FUNDC2: variants seen among roughly 807,000 people sequenced by gnomAD.
FUNDC2 encodes the protein FUN14 domain-containing protein 2.
In FUNDC2, 4 loss-of-function variants were observed where a neutral mutation model predicts 15.6. That is an observed-to-expected ratio of 0.26 (90% CI 0.13 to 0.59). FUNDC2 has a LOEUF of 0.59. Ranked by LOEUF, FUNDC2 falls within the 20% of genes least tolerant of loss-of-function variation. FUNDC2 has a pLI of 0.90. For missense variants in FUNDC2, 98 were observed against 149.7 expected (o/e 0.65, Z 1.80); for synonymous variants, 44 against 56.9 (o/e 0.77, Z 1.02).
intron 2 of FUNDC2, among the ~76,000 whole-genome samples, chrX:155,045,474 C>T (rs1557289950): frequency 8.9e-6 from 1 of 112,002 alleles, no homozygotes; most frequent in East Asian, 2.8e-4. Context: ...CTCAAATATA[C>T]ACAATAAAAT....
chrX:155,055,912 C>G lies in FUNDC2; in HGVS notation c.*1240C>G, dbSNP rs1399529719. 1.8e-5 allele frequency: 2 copies of G among 112,105 alleles called. No homozygotes were observed. The highest frequency in any genetic ancestry group is 9.4e-5 in the Admixed American group (1 of 10,589). The allele number at this position is 112,105 out of a possible 1,213,427, so 9.2% of individuals were successfully genotyped here. A position where few individuals can be genotyped will look rare whatever the true frequency, so the allele number is the denominator to read the frequency against. ...ATATGAGTGTGTTTCTAAGGCCATA[C>G]ATTTAAAAATGTTTGCATTTTAACC... is the stretch of plus-strand genomic sequence containing the variant. On this transcript the variant is annotated 3_prime_UTR_variant, in exon 5 of 5. Coordinates refer to ENST00000369498, the MANE Select transcript of FUNDC2 (RefSeq NM_023934.4).
chrX:155,044,423 A>AT (rs2073856282), intron 2 of FUNDC2, among the ~76,000 whole-genome samples: 1 of 111,983 alleles, frequency 8.9e-6, no homozygotes, highest in South Asian at 3.7e-4. Context: ...AAATTGTCTG[A>AT]TAAGGAATGG....
intron 3 of FUNDC2, among the ~76,000 whole-genome samples, chrX:155,046,826 C>G (rs1299117805): frequency 8.9e-6 from 1 of 112,696 alleles, no homozygotes; most frequent in Non-Finnish European, 1.9e-5. Context: ...AATTCCTTAT[C>G]ATAGCTCCCT....
At chrX:155,038,859 C>T (rs193148085) in intron 2 of FUNDC2, among the ~76,000 whole-genome samples, 5 of 112,010 alleles carry the variant, frequency 4.5e-5, no homozygotes, top group African/African-American at 1.6e-4. Context: ...GGCTGTATAC[C>T]CAGTAGTGTG....
chrX:155,044,245 G>T (rs2073855770), intron 2 of FUNDC2, among the ~76,000 whole-genome samples: 1 of 111,821 alleles, frequency 8.9e-6, no homozygotes, highest in African/African-American at 3.3e-5. Context: ...ATTCTAGGGG[G>T]TGAAAGTGGA....
chrX:155,054,878 C>CCTG lies in FUNDC2; in HGVS notation c.*206_*207insCTG. ...TGGCAGAAGAGACAATAGTCCTTAG[C>CCTG]TCTCCTCCCAGTACACCCCCTACTT... On this transcript the variant is annotated 3_prime_UTR_variant, in exon 5 of 5. Transcript: ENST00000369498. 2.4e-6 allele frequency: 1 copy of CCTG among 419,588 alleles called. No homozygotes were observed. Among genetic ancestry groups the CCTG allele is most frequent in the Non-Finnish European group, 4.1e-6 (1 of 241,399 alleles). 34.6% of individuals were successfully genotyped at this position (419,588 alleles called of 1,213,427 possible).
intron 1 of FUNDC2, among the ~76,000 whole-genome samples, chrX:155,028,119 G>GAGCAGACTGCTCTTATAGACTT (rs1569560146): frequency 4.1e-4 from 27 of 66,501 alleles, no homozygotes; most frequent in African/African-American, 1.5e-3. Context: ...GCTCTTATAG[G>GAGCAGACTGCTCTTATAGACTT]TTGATCAGGT....
chrX:155,053,118 C>G (rs1569560235), intron 4 of FUNDC2, among the ~76,000 whole-genome samples: 1 of 112,567 alleles, frequency 8.9e-6, no homozygotes, highest in African/African-American at 3.2e-5. Context: ...GTATTCCCAC[C>G]TCGGCCTCCC....
In FUNDC2 at chrX:155,060,124, TAA is replaced by T. The variant is rs1223984768; in HGVS notation, c.*5455_*5456del. ...ACATATACTTTAGCATAAAAACATT[TAA>T]AAGAGTCTGAAACTGGAGTAGTTAA... On this transcript the variant is annotated 3_prime_UTR_variant, in exon 5 of 5. Coordinates refer to ENST00000369498, the MANE Select transcript of FUNDC2 (RefSeq NM_023934.4). 3.6e-5 allele frequency: 4 copies of T among 112,111 alleles called. No homozygotes were observed. Among genetic ancestry groups the T allele is most frequent in the African/African-American group, 1.3e-4 (4 of 30,839 alleles). The allele number at this position is 112,111 out of a possible 1,213,427, so 9.2% of individuals were successfully genotyped here. A position where few individuals can be genotyped will look rare whatever the true frequency, so the allele number is the denominator to read the frequency against.
chrX:155,033,516 G>A lies in FUNDC2; in HGVS notation c.247G>A (p.Val83Met), dbSNP rs1557288925. The stretch of plus-strand genomic sequence containing the variant: ...TGGACCTTCAGCAGAAAAGTATAGC[G>A]TGGCAACCCAGCTGTTCATTGGAGG... ...ESGPSAEKYS[V>M]ATQLFIGGVT... Residue 83 changes from valine to methionine, a missense_variant, in exon 2 of 5, where the codon GTG (valine) becomes ATG (methionine). Val to Met is a conservative substitution (Grantham distance 21, BLOSUM62 1). Coordinates refer to ENST00000369498, the MANE Select transcript of FUNDC2 (RefSeq NM_023934.4). The A allele has an allele frequency of 8.3e-7, 1 of 1,211,199 alleles. No homozygotes were observed. Among genetic ancestry groups the A allele is most frequent in the Admixed American group, 2.2e-5 (1 of 46,066 alleles).
Position 155,031,238 on chromosome X carries a change from A to G in FUNDC2, c.134-2165A>G, listed in dbSNP as rs1557288715. On this transcript the variant is annotated intron_variant, in intron 1 of 4. Coordinates refer to ENST00000369498, the MANE Select transcript of FUNDC2 (RefSeq NM_023934.4). Reference sequence around the variant, plus strand: ...TAATCTTCTGGAACTCCAATTACATATATGTTTAATCTTTTGAGCAGTTTT... The same window carrying G: ...TAATCTTCTGGAACTCCAATTACATGTATGTTTAATCTTTTGAGCAGTTTT... 2.7e-5 allele frequency among the ~76,000 whole-genome samples: 3 copies of G among 111,568 alleles called. No homozygotes were observed. The East Asian group carries it at 8.5e-4, about 31-fold the overall frequency.
chrX:155,043,825 C>T (rs1331343180), intron 2 of FUNDC2, among the ~76,000 whole-genome samples: 1 of 111,396 alleles, frequency 9.0e-6, no homozygotes, highest in Non-Finnish European at 1.9e-5. Context: ...TGACATCTAA[C>T]TTTTGTTTAA....
At chrX:155,027,323 C>T (rs898406830) in intron 1 of FUNDC2, 2 of 237,194 alleles carry the variant, frequency 8.4e-6, no homozygotes, top group South Asian at 2.2e-4. Context: ...CTTCCGGCGC[C>T]GCCCCCGGCG....
rs782478688 is a variant in FUNDC2, at chrX:155,027,051, A to C, written c.113A>C (p.Glu38Ala). ...GTGTCCTCGCGAGACAAGCTCACCG[A>C]AATGGCCGCGTCCAGTCAAGGTAAG... Reference protein sequence around the residue: ...LRVSSRDKLTEMAASSQGNFE... With the variant: ...LRVSSRDKLTAMAASSQGNFE... Residue 38 changes from glutamate (E) to alanine (A), a missense_variant, in exon 1 of 5, where the codon GAA (glutamate) becomes GCA (alanine). By Grantham distance (107) the Glu-to-Ala change is moderately radical (BLOSUM62 -1). Coordinates refer to ENST00000369498, the MANE Select transcript of FUNDC2 (RefSeq NM_023934.4). The C allele has an allele frequency of 8.4e-7, 1 of 1,190,466 alleles. No homozygotes were observed. The highest frequency in any genetic ancestry group is 1.1e-6 in the Non-Finnish European group (1 of 883,256).
chrX:155,057,575 A>G lies in FUNDC2; in HGVS notation c.*2903A>G, dbSNP rs782453246. 3.6e-5 allele frequency: 4 copies of G among 111,401 alleles called. No homozygotes were observed. The highest frequency in any genetic ancestry group is 7.6e-5 in the Non-Finnish European group (4 of 52,971). The allele number at this position is 111,401 out of a possible 1,213,427, so 9.2% of individuals were successfully genotyped here. On this transcript the variant is annotated 3_prime_UTR_variant, in exon 5 of 5. Transcript: ENST00000369498. ...GGTAACACCGCACTCAAGGCTTCCA[A>G]CTTGTCAACCAATAGGATGGCATCT... is the stretch of plus-strand genomic sequence containing the variant.
intron 1 of FUNDC2, among the ~76,000 whole-genome samples, chrX:155,028,471 T>C (rs2073803549): frequency 8.9e-6 from 1 of 111,974 alleles, no homozygotes; most frequent in African/African-American, 3.3e-5. Context: ...TAATGTTTTG[T>C]TGTTACATTA....
chrX:155,052,971 C>T (rs911031443), intron 4 of FUNDC2, among the ~76,000 whole-genome samples: 10 of 112,073 alleles, frequency 8.9e-5, no homozygotes, highest in Non-Finnish European at 1.5e-4. Flanking sequence ...CTCAACCAAG[C>T]GATCCTCTGA....
rs1385579704 is a variant in FUNDC2 at position 155,059,292 on chromosome X, T to C, written c.*4620T>C. 1 of 112,366 alleles carries C rather than the reference T, an allele frequency of 8.9e-6. No homozygotes were observed. Among genetic ancestry groups the C allele is most frequent in the Non-Finnish European group, 1.9e-5 (1 of 53,278 alleles). 9.3% of individuals were successfully genotyped at this position (112,366 alleles called of 1,213,427 possible). ...TTCATTAAATGTCTTAGGAATCGTG[T>C]GGAGTGAATGCAAGGAAAGGAGTGA... On this transcript the variant is annotated 3_prime_UTR_variant, in exon 5 of 5. Coordinates refer to ENST00000369498, the MANE Select transcript of FUNDC2 (RefSeq NM_023934.4).
At chrX:155,027,234 C>A in intron 1 of FUNDC2, 163 bp downstream of exon 1, 1 of 517,783 alleles carries the variant, frequency 1.9e-6, no homozygotes, top group East Asian at 5.0e-5. Flanking sequence ...CTCAGCCGCT[C>A]CCAGGGTCCG....
Sources: gnomAD v4.1 joint callset for allele counts (sites outside exome capture counted in the v4.1 genomes callset) on GRCh38, gnomAD v4.1.1 for gene constraint, MANE v1.5 for transcripts, NCBI Gene and HGNC (gene_info 2026-07-23, HGNC 2026-07-21) for gene names.